The following PLXDC1 variants were observed in gnomAD, a reference collection of about 807,000 sequenced individuals.
PLXDC1 encodes plexin domain containing 1, also known as plexin domain-containing protein 1.
In PLXDC1, 39 loss-of-function variants were observed where a neutral mutation model predicts 61.3. The observed-to-expected ratio is 0.64, with a 90% CI of 0.49 to 0.83. PLXDC1 has a LOEUF of 0.83. Among genes scored for constraint, PLXDC1 ranks in the 40% least tolerant of loss-of-function variants. The pLI, the probability that PLXDC1 is intolerant of heterozygous loss-of-function variation, is 0.00. For missense variants in PLXDC1, 596 were observed against 666.5 expected (o/e 0.89, Z 1.17); for synonymous variants, 212 against 254.5 (o/e 0.83, Z 1.59).
chr17:39,127,441 G>C (rs933814745), intron 2 of PLXDC1, among the ~76,000 whole-genome samples: 2 of 152,080 alleles, frequency 1.3e-5, no homozygotes, highest in Non-Finnish European at 2.9e-5. Context: ...GGCCCTGAAT[G>C]GACATTACCG....
At chr17:39,078,400 T>A (rs1168382018) in intron 10 of PLXDC1, among the ~76,000 whole-genome samples, 1 of 152,208 alleles carries the variant, frequency 6.6e-6, no homozygotes, top group Non-Finnish European at 1.5e-5. Context: ...GAGCCCCAGT[T>A]TTCCCCTGTG....
intron 2 of PLXDC1, among the ~76,000 whole-genome samples, chr17:39,125,179 C>G (rs998916244): frequency 4.6e-5 from 7 of 152,240 alleles, no homozygotes; most frequent in African/African-American, 1.4e-4. Flanking sequence ...CAGCTGCCCT[C>G]TGGACATAGC....
chr17:39,127,373 C>G (rs760638992), intron 2 of PLXDC1, among the ~76,000 whole-genome samples: 15 of 152,022 alleles, frequency 9.9e-5, no homozygotes, highest in Non-Finnish European at 2.1e-4. Context: ...ATAGTTGATC[C>G]CCTAGACCAG....
At chr17:39,071,839 C>T (rs1909131443) in intron 12 of PLXDC1, among the ~76,000 whole-genome samples, 1 of 152,162 alleles carries the variant, frequency 6.6e-6, no homozygotes, top group African/African-American at 2.4e-5. Flanking sequence ...GCCCCCGGAG[C>T]TGGAAGGCAC....
intron 2 of PLXDC1, among the ~76,000 whole-genome samples, chr17:39,128,125 A>G (rs186468315): frequency 0.034 from 1,240 of 36,208 alleles, 82 homozygotes; most frequent in African/African-American, 0.1. Context: ...GTATATATAT[A>G]TGTGTATATA....
intron 7 of PLXDC1, among the ~76,000 whole-genome samples, chr17:39,101,602 C>T (rs900609850): frequency 1.1e-4 from 16 of 152,170 alleles, no homozygotes; most frequent in African/African-American, 3.4e-4. Flanking sequence ...CACCCAAATG[C>T]TGACCAGGGA....
intron 2 of PLXDC1, among the ~76,000 whole-genome samples, chr17:39,112,457 C>CTTTTTTT (rs11448360): frequency 1.2e-4 from 15 of 121,088 alleles, no homozygotes; most frequent in East Asian, 2.4e-4. Context: ...TTTTTTCTTT[C>CTTTTTTT]TTTTTTTTTT....
At chr17:39,119,305 C>T (rs1267224828) in intron 2 of PLXDC1, among the ~76,000 whole-genome samples, 2 of 152,158 alleles carry the variant, frequency 1.3e-5, no homozygotes, top group Non-Finnish European at 2.9e-5. Flanking sequence ...GTACAGACAG[C>T]AAGAGTGTGA....
In PLXDC1 at chr17:39,139,789, G is replaced by A. The variant is rs765261331; in HGVS notation, c.120C>T (p.Thr40=). The part of the protein sequence containing the change: ...GPGSGWAAKG[T]VRGWNRRARE... ...GGGCTCTCCGGTTCCAGCCCCGCAC[G>A]GTCCCTTTGGCAGCCCATCCAGAGC... The change falls in exon 2 of 14, where the codon ACC becomes ACT. Residue 40 remains threonine, a synonymous_variant. Coordinates refer to ENST00000315392, the MANE Select transcript of PLXDC1 (RefSeq NM_020405.5). 1.6e-5 allele frequency: 26 copies of A among 1,612,650 alleles called. No individual in the cohort carries two copies. The highest frequency in any genetic ancestry group is 1.7e-4 in the Middle Eastern group (1 of 6,026).
intron 13 of PLXDC1, among the ~76,000 whole-genome samples, chr17:39,069,653 C>T (rs749306515): frequency 2.0e-5 from 3 of 151,972 alleles, no homozygotes; most frequent in Non-Finnish European, 2.9e-5. Context: ...ACAGGAGGGC[C>T]GAGGGAGTTC....
intron 2 of PLXDC1, among the ~76,000 whole-genome samples, chr17:39,122,886 A>C (rs1400434007): frequency 6.6e-6 from 1 of 152,206 alleles, no homozygotes; most frequent in Non-Finnish European, 1.5e-5. Flanking sequence ...CTTTCATAGA[A>C]GCTCAATACA....
intron 7 of PLXDC1, 81 bp downstream of exon 7, chr17:39,105,773 G>T: frequency 1.2e-6 from 1 of 835,470 alleles, no homozygotes; most frequent in Non-Finnish European, 2.0e-6. Flanking sequence ...CCCTGCCACT[G>T]CCATCCCCCC....
intron 7 of PLXDC1, among the ~76,000 whole-genome samples, chr17:39,090,974 C>T (rs1190790602): frequency 6.6e-6 from 1 of 152,192 alleles, no homozygotes; most frequent in Non-Finnish European, 1.5e-5. Flanking sequence ...AGAGGAGGCC[C>T]ACAGAGGCGG....
At chr17:39,096,711 A>T (rs368861267) in intron 7 of PLXDC1, among the ~76,000 whole-genome samples, 16 of 152,352 alleles carry the variant, frequency 1.1e-4, no homozygotes, top group African/African-American at 3.8e-4. Flanking sequence ...TTTGTAAGAA[A>T]ATCCTCACTA....
At chr17:39,147,005 G>A (rs967651702) in intron 1 of PLXDC1, among the ~76,000 whole-genome samples, 1 of 142,730 alleles carries the variant, frequency 7.0e-6, no homozygotes, top group African/African-American at 2.6e-5. Flanking sequence ...ACCCAGGCTG[G>A]AGTGTAGTGG....
intron 13 of PLXDC1, 81 bp from the exon 14 acceptor site, chr17:39,068,040 C>T (rs1232691773): frequency 7.2e-7 from 1 of 1,393,270 alleles, no homozygotes; most frequent in Non-Finnish European, 1.0e-6. Flanking sequence ...ACAGAGCCAA[C>T]CAAGACTGTC....
intron 2 of PLXDC1, among the ~76,000 whole-genome samples, chr17:39,136,551 A>G (rs548386846): frequency 6.6e-6 from 1 of 152,102 alleles, no homozygotes; most frequent in Non-Finnish European, 1.5e-5. Context: ...GCCCGGCCCA[A>G]AGTTTTAAAG....
intron 7 of PLXDC1, among the ~76,000 whole-genome samples, chr17:39,093,587 GC>G (rs1438054734): frequency 6.6e-6 from 1 of 151,846 alleles, no homozygotes; most frequent in African/African-American, 2.4e-5. Flanking sequence ...ATGGTGGCAC[GC>G]GCCTGTAATC....
chr17:39,151,355 G>T lies in PLXDC1; in HGVS notation c.76+7C>A. 1 of 1,286,432 alleles carries T rather than the reference G, an allele frequency of 7.8e-7. No homozygotes were observed. The allele number at this position is 1,286,432 out of a possible 1,614,324, so 79.7% of individuals were successfully genotyped here. On this transcript the variant is annotated splice_region_variant and intron_variant, in intron 1 of 13. Transcript: ENST00000315392. The surrounding 1 kb of genome is among the most constrained non-coding windows in gnomAD (Gnocchi z 5.2). Reference sequence around the variant, plus strand: ...GGCCCACCCGGGCCGGCTCCCGCCAGTCCTACCTGCTCCGGGCTGGGGGCT... The same window carrying T: ...GGCCCACCCGGGCCGGCTCCCGCCATTCCTACCTGCTCCGGGCTGGGGGCT...
Sources: allele counts gnomAD v4.1 joint callset (sites outside exome capture counted in the v4.1 genomes callset), GRCh38; gene constraint gnomAD v4.1.1; non-coding constraint Gnocchi (gnomAD v3.1); transcripts MANE v1.5; gene names NCBI Gene and HGNC (gene_info 2026-07-23, HGNC 2026-07-21).